Variants in ARFGEF3 observed in about 807,000 individuals in gnomAD.
ARFGEF3 encodes the protein ARFGEF family member 3.
A neutral mutation model predicts 221.7 loss-of-function variants in ARFGEF3; 96 were observed. The ratio of observed to expected loss-of-function variants is 0.43; its 90% CI spans 0.37 to 0.51. The LOEUF (loss-of-function observed/expected upper bound fraction) is 0.51. Ranked by LOEUF, ARFGEF3 falls within the 20% of genes least tolerant of loss-of-function variation. ARFGEF3 has a pLI of 0.00. For missense variants in ARFGEF3, 2,410 were observed against 2,789.9 expected (o/e 0.86, Z 3.07); for synonymous variants, 1,145 against 1,126.8 (o/e 1.02, Z -0.32).
In ARFGEF3 at chr6:138,317,235, G is replaced by C. The variant is rs777435704; in HGVS notation, c.4346-16G>C. 6.2e-7 allele frequency: 1 copy of C among 1,610,090 alleles called. No individual in the cohort carries two copies. The highest frequency in any genetic ancestry group is 1.7e-5 in the Admixed American group (1 of 58,396). On this transcript the variant is annotated splice_polypyrimidine_tract_variant and intron_variant, in intron 26 of 33. Coordinates refer to ENST00000251691, the MANE Select transcript of ARFGEF3 (RefSeq NM_020340.5). Reference sequence around the variant, plus strand: ...GTCTAACTGGATTTCATACAGGTCTGCTTTTTGGTTTCCAGGTCTGATAGA... The same window carrying C: ...GTCTAACTGGATTTCATACAGGTCTCCTTTTTGGTTTCCAGGTCTGATAGA...
chr6:138,337,832 G>GCTTA lies in ARFGEF3; in HGVS notation c.*1352_*1355dup, dbSNP rs1351098267. On this transcript the variant is annotated 3_prime_UTR_variant, in exon 34 of 34. Transcript: ENST00000251691. Reference sequence around the variant, plus strand: ...TAATGATTGAAAACTCCTCAATCAAGCTTACTTACACACATTCTACAGAGT... The same window carrying GCTTA: ...TAATGATTGAAAACTCCTCAATCAAGCTTACTTACTTACACACATTCTACAGAGT... 2.6e-5 allele frequency: 4 copies of GCTTA among 152,062 alleles called. No individual in the cohort carries two copies. The highest frequency in any genetic ancestry group is 4.4e-5 in the Non-Finnish European group (3 of 68,018). The allele number at this position is 152,062 out of a possible 1,614,324, so 9.4% of individuals were successfully genotyped here.
At chr6:138,326,165 ACTT>A (rs1780123590) in intron 31 of ARFGEF3, among the ~76,000 whole-genome samples, 1 of 151,930 alleles carries the variant, frequency 6.6e-6, no homozygotes, top group South Asian at 2.1e-4. Context: ...CCCATCTTTC[ACTT>A]CTTAATACTT....
rs144779646 is a variant in ARFGEF3 at position 138,226,084 on chromosome 6, C to G, written c.352-3700C>G. ...TGGCCCTGACATCACAGCCTCTGCT[C>G]TGCCCTGATCATGGTCGCTGGACAG... On this transcript the variant is annotated intron_variant, in intron 4 of 33. Coordinates refer to ENST00000251691, the MANE Select transcript of ARFGEF3 (RefSeq NM_020340.5). Among the ~76,000 whole-genome samples, 181 of 152,352 alleles carry G rather than the reference C, an allele frequency of 1.2e-3. 1 individual carries two copies. Among genetic ancestry groups the G allele is most frequent in the African/African-American group, 4.2e-3 (175 of 41,584 alleles).
chr6:138,262,808 A>C lies in ARFGEF3; in HGVS notation c.1325A>C (p.Gln442Pro). ...CTGGGTGCCCTGGATGAGCTCAGCC[A>C]GGGGAAGGGCTTGAGCGAAGGTCAG... ...TLLGALDELS[Q>P]GKGLSEGQVQ... is the part of the protein sequence containing the mutation. Residue 442 changes from glutamine (Q) to proline (P), a missense_variant, in exon 12 of 34, where the codon CAG becomes CCG. Transcript: ENST00000251691. 1 of 1,614,036 alleles carries C rather than the reference A, an allele frequency of 6.2e-7. No individual in the cohort carries two copies. The highest frequency in any genetic ancestry group is 8.5e-7 in the Non-Finnish European group (1 of 1,179,894).
intron 14 of ARFGEF3, among the ~76,000 whole-genome samples, chr6:138,282,299 G>A (rs1779209856): frequency 6.6e-6 from 1 of 152,172 alleles, no homozygotes; most frequent in South Asian, 2.1e-4. Context: ...CCTGGCTCCA[G>A]CAGAAGGAGG....
rs757259020 is a variant in ARFGEF3 at position 138,291,016 on chromosome 6, A to G, written c.3048-717A>G. 5.3e-5 allele frequency among the ~76,000 whole-genome samples: 8 copies of G among 152,202 alleles called. No individual in the cohort carries two copies. The highest frequency in any genetic ancestry group is 1.0e-4 in the Non-Finnish European group (7 of 68,026). On this transcript the variant is annotated intron_variant, in intron 18 of 33. Transcript: ENST00000251691. The surrounding 1 kb of genome is among the most constrained non-coding windows in gnomAD (Gnocchi z 4.5). ...AAAAATTCCTTGATTCTAGAACATC[A>G]GAGTGGATTATCCATGATGCTCTTT...
chr6:138,269,374 C>T (rs1488521684), intron 12 of ARFGEF3, among the ~76,000 whole-genome samples: 1 of 152,234 alleles, frequency 6.6e-6, no homozygotes, highest in Non-Finnish European at 1.5e-5. Context: ...TTAAACACCT[C>T]AAAAGATGGC....
At chr6:138,268,639 C>T (rs192895270) in intron 12 of ARFGEF3, among the ~76,000 whole-genome samples, 1 of 152,304 alleles carries the variant, frequency 6.6e-6, no homozygotes, top group African/African-American at 2.4e-5. Flanking sequence ...TGCAGAAATG[C>T]CTCTTTGATC....
At position 138,263,594 on chromosome 6, in the gene ARFGEF3, C is replaced by T. The variant is rs61741354; in HGVS notation, c.2111C>T (p.Ala704Val). ...GTGGACACCGCTCTGCAGAACTTTG[C>T]CTCTACTTTCTGCTCAGGTTTGTAA... ...EEVDTALQNFASTFCSGMMHS... is the reference protein window; with the variant it reads ...EEVDTALQNFVSTFCSGMMHS... Residue 704 changes from alanine (A) to valine (V), a missense_variant, in exon 12 of 34, where the codon GCC becomes GTC. Transcript: ENST00000251691. 2.7e-3 allele frequency: 4,315 copies of T among 1,600,690 alleles called. 114 individuals are homozygous for T. The African/African-American group carries it at 0.05, about 18-fold the overall frequency.
chr6:138,200,673 CT>C (rs1353301632), intron 2 of ARFGEF3, among the ~76,000 whole-genome samples: 1 of 152,142 alleles, frequency 6.6e-6, no homozygotes, highest in Non-Finnish European at 1.5e-5. Context: ...CAAAAATCAA[CT>C]CAAGATAGAT....
intron 12 of ARFGEF3, among the ~76,000 whole-genome samples, chr6:138,273,333 C>T (rs1482046001): frequency 6.6e-6 from 1 of 152,218 alleles, no homozygotes; most frequent in Non-Finnish European, 1.5e-5. Context: ...TCTTGTGCTA[C>T]TCTTGTATCT....
chr6:138,242,285 A>G (rs116363008), intron 6 of ARFGEF3, among the ~76,000 whole-genome samples: 167 of 152,350 alleles, frequency 1.1e-3, no homozygotes, highest in African/African-American at 3.2e-3. Flanking sequence ...TCACTGAGTT[A>G]TCCCTGCAAT....
chr6:138,177,134 G>A (rs1054170378), intron 2 of ARFGEF3, among the ~76,000 whole-genome samples: 1 of 151,306 alleles, frequency 6.6e-6, no homozygotes, highest in African/African-American at 2.4e-5. Flanking sequence ...CTGTCACCCA[G>A]GCTGGAGTGC....
chr6:138,301,012 C>T (rs543186217), intron 22 of ARFGEF3, among the ~76,000 whole-genome samples: 2 of 152,288 alleles, frequency 1.3e-5, no homozygotes, highest in South Asian at 4.1e-4. Context: ...AATAACATGT[C>T]ATTGAAAACA....
At chr6:138,202,891 C>T (rs1289046943) in intron 2 of ARFGEF3, among the ~76,000 whole-genome samples, 1 of 151,876 alleles carries the variant, frequency 6.6e-6, no homozygotes, top group Non-Finnish European at 1.5e-5. Context: ...CACACACACA[C>T]ATGCACACAC....
At chr6:138,163,735 A>T (rs1776665266) in intron 1 of ARFGEF3, among the ~76,000 whole-genome samples, 1 of 152,204 alleles carries the variant, frequency 6.6e-6, no homozygotes. Flanking sequence ...TTTTCGAGTC[A>T]AATCTGAAAG....
intron 26 of ARFGEF3, among the ~76,000 whole-genome samples, chr6:138,314,669 G>T (rs564186231): frequency 6.6e-6 from 1 of 152,124 alleles, no homozygotes; most frequent in African/African-American, 2.4e-5. Flanking sequence ...AGACATTCAC[G>T]TTCTAAAGGG....
rs763804104 is a variant in ARFGEF3 at position 138,294,117 on chromosome 6, G to A, written c.3493G>A (p.Ala1165Thr). ...TACAGATACAGTTGATTACTCTCTG[G>A]CAATGCCAGGTAATTCTTTCCCTGA... ...SVTDTVDYSL[A>T]MPGEVKSTQD... The change falls in exon 20 of 34, where the codon GCA (alanine) becomes ACA (threonine). Residue 1165 changes from alanine to threonine, a missense_variant. This residue lies in a region of ARFGEF3 where 723 missense variants were observed against 991.9 expected (regional missense o/e 0.73). Transcript: ENST00000251691. 10 of 1,613,498 alleles carry A rather than the reference G, an allele frequency of 6.2e-6. No homozygotes were observed. Among genetic ancestry groups the A allele is most frequent in the Non-Finnish European group, 2.5e-6 (3 of 1,179,820 alleles).
Position 138,286,856 on chromosome 6 carries a change from G to C in ARFGEF3, c.2725G>C (p.Asp909His). 1 of 1,613,918 alleles carries C rather than the reference G, an allele frequency of 6.2e-7. No homozygotes were observed. The highest frequency in any genetic ancestry group is 1.3e-5 in the African/African-American group (1 of 75,056). Residue 909 changes from aspartate to histidine, a missense_variant, in exon 16 of 34, where the codon GAC (aspartate) becomes CAC (histidine). Asp to His is a moderately conservative substitution (Grantham distance 81, BLOSUM62 -1). Around this residue, in one of 5 missense-constraint regions of ARFGEF3, gnomAD observed 594 missense variants for 734.3 expected, o/e 0.81. Transcript: ENST00000251691. ...GIKEQNQKER[D>H]AICMSLDGLR... ...CAAAGAGCAGAACCAGAAGGAGCGGGACGCCATCTGCATGAGCCTCGACGG... is the reference window on the plus strand; with the variant it reads ...CAAAGAGCAGAACCAGAAGGAGCGGCACGCCATCTGCATGAGCCTCGACGG...
Sources: allele counts gnomAD v4.1 joint callset (sites outside exome capture counted in the v4.1 genomes callset), GRCh38; gene constraint gnomAD v4.1.1; regional missense constraint gnomAD v4.1.1; non-coding constraint Gnocchi (gnomAD v3.1); transcripts MANE v1.5; gene names NCBI Gene and HGNC (gene_info 2026-07-23, HGNC 2026-07-21).